The following BCAT1 variants were observed in gnomAD, a reference collection of about 807,000 sequenced individuals.
The protein encoded by BCAT1 is branched chain amino acid transaminase 1.
In BCAT1, 48 loss-of-function variants were observed where a neutral mutation model predicts 52.4. The observed-to-expected ratio is 0.92, with a 90% CI of 0.73 to 1.16. The LOEUF (loss-of-function observed/expected upper bound fraction) is 1.16, where lower values mean the gene tolerates loss of function less well. Among genes scored for constraint, BCAT1 ranks in the 50% most tolerant of loss-of-function variants. The pLI is 0.00. For missense variants in BCAT1, 451 were observed against 457.1 expected (o/e 0.99, Z 0.12); for synonymous variants, 167 against 161.3 (o/e 1.04, Z -0.27).
At chr12:24,824,056 A>C (rs951083886) in intron 10 of BCAT1, among the ~76,000 whole-genome samples, 2 of 152,132 alleles carry the variant, frequency 1.3e-5, no homozygotes, top group Admixed American at 6.6e-5. Context: ...GATGAGTTGC[A>C]TTTCTGCTTT....
intron 1 of BCAT1, among the ~76,000 whole-genome samples, chr12:24,921,992 T>A (rs1392665751): frequency 6.6e-6 from 1 of 151,992 alleles, no homozygotes; most frequent in East Asian, 1.9e-4. Flanking sequence ...CATACACACA[T>A]ACACACACAC....
At chr12:24,884,521 T>G (rs10842421) in intron 3 of BCAT1, among the ~76,000 whole-genome samples, 37,503 of 152,210 alleles carry the variant, frequency 0.25, 4,828 homozygotes, top group East Asian at 0.38. Flanking sequence ...ATAAATATGT[T>G]CAGTGATGAG....
At position 24,883,348 on chromosome 12, in the gene BCAT1, T is replaced by C. The variant is rs550054750; in HGVS notation, c.280-1937A>G. Among the ~76,000 whole-genome samples the C allele has an allele frequency of 2.6e-5, 4 of 152,302 alleles. No homozygotes were observed. The East Asian group carries it at 7.7e-4, about 29-fold the overall frequency. The stretch of plus-strand genomic sequence containing the variant: ...CTTAGAATGGCTACTATCAAAAAGA[T>C]AAAAGATAAGTATTAGTGAGGATAT... On this transcript the variant is annotated intron_variant, in intron 3 of 10. Coordinates refer to ENST00000261192, the MANE Select transcript of BCAT1 (RefSeq NM_005504.7).
chr12:24,835,567 ATTT>A (rs1374791800), intron 8 of BCAT1, among the ~76,000 whole-genome samples: 35 of 89,130 alleles, frequency 3.9e-4, no homozygotes, highest in Non-Finnish European at 1.1e-3. Flanking sequence ...TTATTTATTT[ATTT>A]ATTTATTTAT....
chr12:24,936,465 T>G (rs189971538), intron 1 of BCAT1, among the ~76,000 whole-genome samples: 252 of 152,278 alleles, frequency 1.7e-3, no homozygotes, highest in African/African-American at 5.6e-3. Context: ...ACTCCTGACC[T>G]CAAGTGATCC....
chr12:24,916,593 G>A (rs1042225246), intron 1 of BCAT1, among the ~76,000 whole-genome samples: 1 of 152,152 alleles, frequency 6.6e-6, no homozygotes, highest in Admixed American at 6.5e-5. Context: ...AGGCTGGAGC[G>A]CAGTGGTGCG....
In BCAT1 at chr12:24,870,163, A is replaced by AT. The variant is rs1396542032; in HGVS notation, c.510+8366dup. Among the ~76,000 whole-genome samples the AT allele has an allele frequency of 2.0e-5, 3 of 152,222 alleles. No individual in the cohort carries two copies. In the South Asian group the frequency reaches 6.2e-4, roughly 32 times the overall value. The stretch of plus-strand genomic sequence containing the variant: ...ATTGTATACCTTTGGTTCTACTTGA[A>AT]TTTTTTACCAGATAATTTCTCTGCC... On this transcript the variant is annotated intron_variant, in intron 5 of 10. Coordinates refer to ENST00000261192, the MANE Select transcript of BCAT1 (RefSeq NM_005504.7).
At chr12:24,899,306 A>T (rs370810384) in intron 2 of BCAT1, among the ~76,000 whole-genome samples, 1 of 152,254 alleles carries the variant, frequency 6.6e-6, no homozygotes, top group Non-Finnish European at 1.5e-5. Flanking sequence ...AATGATGTAG[A>T]TTAACAAAAA....
intron 6 of BCAT1, 100 bp downstream of exon 6, chr12:24,849,686 G>A: frequency 7.9e-7 from 1 of 1,267,830 alleles, no homozygotes; most frequent in Non-Finnish European, 1.1e-6. Context: ...GAGCATTAAA[G>A]TTTGAAAAGT....
At position 24,849,919 on chromosome 12, in the gene BCAT1, C is replaced by T. The variant is rs775220333; in HGVS notation, c.541G>A (p.Ala181Thr). The change falls in exon 6 of 11, where the codon GCC (alanine) becomes ACC (threonine). Residue 181 changes from alanine (A) to threonine (T), a missense_variant. By Grantham distance (58) the Ala-to-Thr change is moderately conservative (BLOSUM62 0). Coordinates refer to ENST00000261192, the MANE Select transcript of BCAT1 (RefSeq NM_005504.7). ...GGGCTCAAGAGTACAAAGAGCAGGGCTTTGGTAGGCTTCTTGACTCCAAGA... is the reference window on the plus strand; with the variant it reads ...GGGCTCAAGAGTACAAAGAGCAGGGTTTTGGTAGGCTTCTTGACTCCAAGA... ...PSLGVKKPTKALLFVLLSPVG... is the reference protein window; with the variant it reads ...PSLGVKKPTKTLLFVLLSPVG... The T allele has an allele frequency of 1.2e-6, 2 of 1,612,116 alleles. No homozygotes were observed. The highest frequency in any genetic ancestry group is 1.1e-5 in the South Asian group (1 of 90,716).
intron 10 of BCAT1, among the ~76,000 whole-genome samples, chr12:24,827,346 C>T (rs1940447351): frequency 6.6e-6 from 1 of 152,194 alleles, no homozygotes; most frequent in Non-Finnish European, 1.5e-5. Flanking sequence ...CTTCAAATTA[C>T]TTGTAAGTGT....
chr12:24,889,727 TGC>T (rs779918044), intron 3 of BCAT1, among the ~76,000 whole-genome samples: 1 of 152,178 alleles, frequency 6.6e-6, no homozygotes, highest in Non-Finnish European at 1.5e-5. Flanking sequence ...GGGTGGCTCA[TGC>T]CTGTAGTCCC....
intron 5 of BCAT1, among the ~76,000 whole-genome samples, chr12:24,858,296 CTTAAA>C (rs1941752144): frequency 6.6e-6 from 1 of 152,158 alleles, no homozygotes; most frequent in Non-Finnish European, 1.5e-5. Flanking sequence ...AAAATAAGCA[CTTAAA>C]TTGAATATTT....
chr12:24,929,621 ATTC>A (rs1187608939), intron 1 of BCAT1, among the ~76,000 whole-genome samples: 1 of 152,182 alleles, frequency 6.6e-6, no homozygotes, highest in Non-Finnish European at 1.5e-5. Flanking sequence ...GCTATTACCT[ATTC>A]TTCTGATGGG....
chr12:24,876,436 T>C (rs1469708324), intron 5 of BCAT1, among the ~76,000 whole-genome samples: 1 of 152,008 alleles, frequency 6.6e-6, no homozygotes, highest in African/African-American at 2.4e-5. Context: ...TGATTTAACA[T>C]CCAAAAATAA....
chr12:24,900,432 C>T (rs924560586), intron 2 of BCAT1, among the ~76,000 whole-genome samples: 10 of 151,896 alleles, frequency 6.6e-5, no homozygotes, highest in South Asian at 4.2e-4. Context: ...CAAAAAATGA[C>T]GAAATTAGTT....
intron 1 of BCAT1, among the ~76,000 whole-genome samples, chr12:24,923,417 A>G (rs1943530848): frequency 6.6e-6 from 1 of 152,030 alleles, no homozygotes; most frequent in South Asian, 2.1e-4. Context: ...GTGTGTATAT[A>G]TATATTTTAG....
intron 7 of BCAT1, among the ~76,000 whole-genome samples, chr12:24,841,426 G>A (rs1251698444): frequency 3.9e-5 from 6 of 152,196 alleles, no homozygotes; most frequent in Admixed American, 3.9e-4. Context: ...TCTGAGACCT[G>A]TGTCTCAATG....
At chr12:24,927,781 A>T (rs1251641352) in intron 1 of BCAT1, among the ~76,000 whole-genome samples, 1 of 152,202 alleles carries the variant, frequency 6.6e-6, no homozygotes, top group African/African-American at 2.4e-5. Flanking sequence ...TTTGATGCAA[A>T]TCTATATAAC....
Sources: gnomAD v4.1 joint callset for allele counts (sites outside exome capture counted in the v4.1 genomes callset) on GRCh38, gnomAD v4.1.1 for gene constraint, MANE v1.5 for transcripts, NCBI Gene and HGNC (gene_info 2026-07-23, HGNC 2026-07-21) for gene names.